The following SAFB variants were observed in gnomAD, a reference collection of about 807,000 sequenced individuals.
The protein encoded by SAFB is scaffold attachment factor B1.
A neutral mutation model predicts 101.6 loss-of-function variants in SAFB; 15 were observed. The ratio of observed to expected loss-of-function variants is 0.15; its 90% CI spans 0.10 to 0.23. SAFB has a LOEUF of 0.23. Ranked by LOEUF, SAFB falls within the 10% of genes least tolerant of loss-of-function variation. The pLI, the probability that SAFB is intolerant of heterozygous loss-of-function variation, is 1.00. For synonymous variants in SAFB, 449 were observed against 407.5 expected, an observed-to-expected ratio of 1.10 and a Z score of -1.23; for missense variants, 930 against 1,104.1, an observed-to-expected ratio of 0.84 and a Z score of 2.23.
intron 9 of SAFB, 142 bp from the exon 10 acceptor site, chr19:5,652,973 C>T (rs1166942236): frequency 1.0e-5 from 8 of 796,970 alleles, no homozygotes; most frequent in Non-Finnish European, 5.9e-6. Flanking sequence ...AACAGCGAAA[C>T]AGAAGCATTA....
chr19:5,665,068 C>T (rs1016332397), intron 17 of SAFB: 8 of 152,702 alleles, frequency 5.2e-5, no homozygotes, highest in East Asian at 3.8e-4. Flanking sequence ...TGCCTCCTCT[C>T]TGAGGACTCC....
intron 2 of SAFB, among the ~76,000 whole-genome samples, chr19:5,629,838 A>G (rs1210865662): frequency 1.3e-5 from 2 of 152,184 alleles, no homozygotes; most frequent in Admixed American, 6.5e-5. Flanking sequence ...TGGGCGGATC[A>G]AAAGATCAGC....
intron 2 of SAFB, among the ~76,000 whole-genome samples, chr19:5,627,471 C>A (rs2053391696): frequency 6.6e-6 from 1 of 152,192 alleles, no homozygotes; most frequent in Non-Finnish European, 1.5e-5. Flanking sequence ...CTGCCTGAGC[C>A]TCCTATTGCT....
intron 1 of SAFB, 88 bp downstream of exon 1, chr19:5,623,482 C>G (rs2053241695): frequency 1.7e-6 from 2 of 1,197,950 alleles, no homozygotes; most frequent in South Asian, 1.6e-5. Flanking sequence ...GCGTCCGCCC[C>G]CGGCCGCGTT....
rs749406826 is a variant in SAFB, at chr19:5,641,750, A to T, written c.350A>T (p.Glu117Val). ...ENSGDGQEDV[E>V]TSLENLQDID... ...CTGGTTGTGTCACAGGAGGATGTTGAGACCAGTCTGGAGAACTTGCAGGAC... is the reference window on the plus strand; with the variant it reads ...CTGGTTGTGTCACAGGAGGATGTTGTGACCAGTCTGGAGAACTTGCAGGAC... Residue 117 changes from glutamate to valine, a missense_variant, in exon 4 of 21, where the codon GAG (glutamate) becomes GTG (valine). This residue lies in a region of SAFB where 119 missense variants were observed against 171.4 expected (regional missense o/e 0.69). Transcript: ENST00000588852. The T allele has an allele frequency of 1.2e-6, 2 of 1,614,092 alleles. No homozygotes were observed. Among genetic ancestry groups the T allele is most frequent in the South Asian group, 2.2e-5 (2 of 91,078 alleles).
intron 4 of SAFB, among the ~76,000 whole-genome samples, chr19:5,644,645 T>C (rs757228763): frequency 1.3e-5 from 2 of 152,234 alleles, no homozygotes; most frequent in African/African-American, 4.8e-5. Context: ...TTATAAAATA[T>C]CTGAAAACGT....
At chr19:5,623,926 A>G in intron 1 of SAFB, 1 of 152,354 alleles carries the variant, frequency 6.6e-6, no homozygotes. Flanking sequence ...GACATACTCA[A>G]AGGGAAAAAT....
chr19:5,660,107 AAC>A (rs2054161124), intron 14 of SAFB, among the ~76,000 whole-genome samples: 1 of 152,262 alleles, frequency 6.6e-6, no homozygotes, highest in Admixed American at 6.5e-5. Context: ...CTGGGACAGA[AAC>A]ACACAGTTGT....
chr19:5,661,460 G>GC, intron 14 of SAFB, 58 bp from the exon 15 acceptor site: 1 of 1,594,994 alleles, frequency 6.3e-7, no homozygotes, highest in Non-Finnish European at 8.5e-7. Context: ...CTTAAAGTCA[G>GC]CCCTGGGACC....
chr19:5,643,272 T>G (rs2053760712), intron 4 of SAFB, among the ~76,000 whole-genome samples: 2 of 152,002 alleles, frequency 1.3e-5, no homozygotes, highest in South Asian at 4.2e-4. Context: ...CCTGTTCTTG[T>G]CCTGGTCCTT....
intron 14 of SAFB, among the ~76,000 whole-genome samples, chr19:5,658,242 C>T (rs2054109734): frequency 6.6e-6 from 1 of 152,298 alleles, no homozygotes; most frequent in African/African-American, 2.4e-5. Context: ...AAGTGATCTG[C>T]CTGCCTCGGC....
In SAFB at chr19:5,667,862, T is replaced by C. The variant is rs780651301; in HGVS notation, c.2600T>C (p.Met867Thr). ...TCCGGTCACTCCGGGCCTGGCCACA[T>C]GATGAACCGAGGAGGAATGTCAGGG... ...SMSGHSGPGH[M>T]MNRGGMSGRG... The change falls in exon 20 of 21, where the codon ATG (methionine) becomes ACG (threonine). Residue 867 changes from methionine to threonine, a missense_variant. This residue lies in a region of SAFB where 318 missense variants were observed against 342.6 expected (regional missense o/e 0.93). Coordinates refer to ENST00000588852, the MANE Select transcript of SAFB (RefSeq NM_001201338.2). This position sits in a 1 kb window ranked among gnomAD's most constrained non-coding sequence, Gnocchi z 4.0. The C allele has an allele frequency of 2.5e-6, 4 of 1,610,706 alleles. No individual in the cohort carries two copies. The highest frequency in any genetic ancestry group is 2.5e-6 in the Non-Finnish European group (3 of 1,178,506).
intron 14 of SAFB, among the ~76,000 whole-genome samples, chr19:5,661,097 T>G (rs1318013230): frequency 5.9e-5 from 9 of 151,934 alleles, no homozygotes; most frequent in Non-Finnish European, 1.2e-4. Context: ...AATTTTTGTA[T>G]TTTTAGTAGA....
At chr19:5,634,478 A>T (rs1199400463) in intron 2 of SAFB, among the ~76,000 whole-genome samples, 2 of 152,110 alleles carry the variant, frequency 1.3e-5, no homozygotes, top group Non-Finnish European at 2.9e-5. Context: ...CTAGTTTAAT[A>T]CTTTTTATAA....
At chr19:5,645,618 C>T (rs1051869325) in intron 5 of SAFB, among the ~76,000 whole-genome samples, 5 of 152,208 alleles carry the variant, frequency 3.3e-5, no homozygotes, top group African/African-American at 9.6e-5. Context: ...GGCCTCCAAG[C>T]GCTGTGGCTT....
At chr19:5,659,888 T>C (rs1296996251) in intron 14 of SAFB, among the ~76,000 whole-genome samples, 1 of 152,090 alleles carries the variant, frequency 6.6e-6, no homozygotes, top group Non-Finnish European at 1.5e-5. Context: ...AACAAGGAAG[T>C]GTGGGCTTGG....
intron 17 of SAFB, chr19:5,664,653 T>A: frequency 2.0e-6 from 1 of 510,730 alleles, no homozygotes; most frequent in Non-Finnish European, 3.6e-6. Flanking sequence ...TCTGAAGCTG[T>A]TTTTAGCCTT....
chr19:5,623,428 G>A, intron 1 of SAFB, 34 bp downstream of exon 1: 1 of 1,570,132 alleles, frequency 6.4e-7, no homozygotes, highest in Non-Finnish European at 8.7e-7. Flanking sequence ...GGCACAGGGT[G>A]GGTCTGGGGT....
At chr19:5,662,412 T>C (rs904540378) in intron 15 of SAFB, among the ~76,000 whole-genome samples, 2 of 151,266 alleles carry the variant, frequency 1.3e-5, no homozygotes, top group Non-Finnish European at 2.9e-5. Flanking sequence ...GAAAATCGCG[T>C]GTACCCAGGA....
Sources: allele counts gnomAD v4.1 joint callset (sites outside exome capture counted in the v4.1 genomes callset), GRCh38; gene constraint gnomAD v4.1.1; regional missense constraint gnomAD v4.1.1; non-coding constraint Gnocchi (gnomAD v3.1); transcripts MANE v1.5; gene names NCBI Gene and HGNC (gene_info 2026-07-23, HGNC 2026-07-21).